Variants in ACTR2 observed in about 807,000 individuals in gnomAD.
ACTR2 encodes the protein actin related protein 2.
Under a neutral mutation model 50.2 loss-of-function variants are expected in ACTR2, and 5 were observed. That is an observed-to-expected ratio of 0.10 (90% CI 0.05 to 0.21). The LOEUF (loss-of-function observed/expected upper bound fraction) is 0.21. Ranked by LOEUF, ACTR2 falls within the 10% of genes least tolerant of loss-of-function variation. The pLI is 1.00. For synonymous variants in ACTR2, 140 were observed against 162.9 expected (o/e 0.86, Z 1.07); for missense variants, 180 against 480.6 (o/e 0.37, Z 5.85).
At chr2:65,258,338 G>A (rs1432963057) in intron 6 of ACTR2, among the ~76,000 whole-genome samples, 1 of 152,146 alleles carries the variant, frequency 6.6e-6, no homozygotes, top group Non-Finnish European at 1.5e-5. Flanking sequence ...CACTTTGGGA[G>A]GCTGAGATAC....
intron 1 of ACTR2, chr2:65,228,315 G>C (rs976062250): frequency 4.1e-6 from 1 of 243,822 alleles, no homozygotes; most frequent in Non-Finnish European, 7.8e-6. Context: ...GTTCCGAGAA[G>C]GGCTCTTTTC....
chr2:65,261,482 A>G (rs189712674), intron 7 of ACTR2, 90 bp downstream of exon 7: 2 of 1,215,748 alleles, frequency 1.6e-6, no homozygotes. Flanking sequence ...ATGGAATTAA[A>G]TAGAATGACT....
intron 1 of ACTR2, among the ~76,000 whole-genome samples, chr2:65,229,999 A>G (rs533849443): frequency 3.3e-5 from 5 of 152,288 alleles, no homozygotes; most frequent in African/African-American, 9.6e-5. Flanking sequence ...TATGAGACAG[A>G]GGATAAGGGA....
intron 6 of ACTR2, among the ~76,000 whole-genome samples, chr2:65,257,209 G>C (rs1273622663): frequency 6.6e-6 from 1 of 151,350 alleles, no homozygotes; most frequent in Non-Finnish European, 1.5e-5. Flanking sequence ...TTGGTTTTCT[G>C]TTCCTGTGTT....
At chr2:65,252,851 C>T (rs919088067) in intron 4 of ACTR2, among the ~76,000 whole-genome samples, 1 of 152,084 alleles carries the variant, frequency 6.6e-6, no homozygotes, top group Admixed American at 6.6e-5. Flanking sequence ...CCTATAATCC[C>T]AGCCACTTGA....
chr2:65,241,395 C>T (rs1671838280), intron 2 of ACTR2, among the ~76,000 whole-genome samples: 1 of 152,126 alleles, frequency 6.6e-6, no homozygotes, highest in Non-Finnish European at 1.5e-5. Context: ...TGCCCACTTT[C>T]TTCGTGTTTA....
At chr2:65,243,632 T>G (rs1671882037) in intron 2 of ACTR2, among the ~76,000 whole-genome samples, 1 of 152,110 alleles carries the variant, frequency 6.6e-6, no homozygotes, top group Non-Finnish European at 1.5e-5. Flanking sequence ...CTGCCTCTAT[T>G]AGTTAATTGA....
chr2:65,261,037 A>C (rs897601144), intron 6 of ACTR2, among the ~76,000 whole-genome samples: 3 of 152,118 alleles, frequency 2.0e-5, no homozygotes, highest in Admixed American at 2.0e-4. Flanking sequence ...GCCTGGCATA[A>C]CATTTTTAAA....
intron 1 of ACTR2, among the ~76,000 whole-genome samples, chr2:65,239,245 G>A (rs186241578): frequency 0.012 from 1,803 of 152,152 alleles, 36 homozygotes; most frequent in African/African-American, 0.042. Flanking sequence ...ACCTGAGGTC[G>A]GGAGTTTGAG....
chr2:65,239,365 A>C (rs940529743), intron 1 of ACTR2, among the ~76,000 whole-genome samples: 20 of 152,326 alleles, frequency 1.3e-4, no homozygotes, highest in Admixed American at 3.9e-4. Context: ...GAGGCAGGAG[A>C]ATCACTTGAA....
chr2:65,259,108 G>A (rs1299569671), intron 6 of ACTR2, among the ~76,000 whole-genome samples: 1 of 151,978 alleles, frequency 6.6e-6, no homozygotes, highest in Non-Finnish European at 1.5e-5. Flanking sequence ...AGGTAGCTGG[G>A]ACCAAAGCTG....
In ACTR2 at chr2:65,268,768, C is replaced by G. The variant is rs987854705; in HGVS notation, c.*34C>G. ...GCTTGTTCCCGTCATACCCGTAATGCTTTCTTTTTTCCTTTATTGCCAATC... is the reference window on the plus strand; with the variant it reads ...GCTTGTTCCCGTCATACCCGTAATGGTTTCTTTTTTCCTTTATTGCCAATC... On this transcript the variant is annotated 3_prime_UTR_variant, in exon 9 of 9. Transcript: ENST00000260641. 2 of 1,591,224 alleles carry G rather than the reference C, an allele frequency of 1.3e-6. No individual in the cohort carries two copies. Among genetic ancestry groups the G allele is most frequent in the Admixed American group, 3.6e-5 (2 of 56,160 alleles).
At chr2:65,266,559 G>A (rs188874377) in intron 8 of ACTR2, among the ~76,000 whole-genome samples, 6 of 151,880 alleles carry the variant, frequency 4.0e-5, no homozygotes, top group Admixed American at 2.0e-4. Context: ...TCTTGGGTGT[G>A]GGGGCGGTTT....
intron 2 of ACTR2, among the ~76,000 whole-genome samples, chr2:65,243,090 C>T (rs1021697758): frequency 1.3e-5 from 2 of 151,912 alleles, no homozygotes; most frequent in African/African-American, 2.4e-5. Context: ...ACCAGCCTGA[C>T]GAACATGGTG....
At chr2:65,241,847 A>C (rs891143108) in intron 2 of ACTR2, 1 of 496,994 alleles carries the variant, frequency 2.0e-6, no homozygotes, top group Non-Finnish European at 3.4e-6. Flanking sequence ...TTAATGAGTT[A>C]ATTTGCATTC....
intron 1 of ACTR2, among the ~76,000 whole-genome samples, chr2:65,232,079 G>A (rs1324344067): frequency 1.5e-4 from 23 of 152,202 alleles, no homozygotes; most frequent in Admixed American, 1.5e-3. Context: ...AATAATTTAT[G>A]TGGATTTTAA....
chr2:65,266,821 A>T (rs1274982128), intron 8 of ACTR2, among the ~76,000 whole-genome samples: 2 of 152,192 alleles, frequency 1.3e-5, no homozygotes, highest in Non-Finnish European at 2.9e-5. Context: ...AGTTGAGGTT[A>T]GTGATACATT....
intron 7 of ACTR2, among the ~76,000 whole-genome samples, chr2:65,264,499 T>C (rs375682013): frequency 2.0e-5 from 3 of 152,138 alleles, no homozygotes; most frequent in South Asian, 2.1e-4. Flanking sequence ...CTCATAGATA[T>C]CAGAATAGAG....
At chr2:65,246,969 AC>A (rs1671949242) in intron 3 of ACTR2, among the ~76,000 whole-genome samples, 1 of 152,144 alleles carries the variant, frequency 6.6e-6, no homozygotes, top group African/African-American at 2.4e-5. Flanking sequence ...GGAAAAACAG[AC>A]CAAAAAAATT....
Sources: allele counts gnomAD v4.1 joint callset (sites outside exome capture counted in the v4.1 genomes callset), GRCh38; gene constraint gnomAD v4.1.1; transcripts MANE v1.5; gene names NCBI Gene and HGNC (gene_info 2026-07-23, HGNC 2026-07-21).